Variants in MED24 observed in about 807,000 individuals in gnomAD.
The protein encoded by MED24 is mediator complex subunit 24.
MED24 carries 74 observed loss-of-function variants against 118.8 expected under a neutral mutation model. The observed-to-expected ratio is 0.62, with a 90% CI of 0.52 to 0.76. MED24 has a LOEUF of 0.76. Among genes scored for constraint, MED24 ranks in the 30% least tolerant of loss-of-function variants. The pLI, the probability that MED24 is intolerant of heterozygous loss-of-function variation, is 0.00. For missense variants in MED24, 1,041 were observed against 1,278.9 expected, an observed-to-expected ratio of 0.81 and a Z score of 2.84; for synonymous variants, 521 against 523.9, an observed-to-expected ratio of 0.99 and a Z score of 0.08.
rs1375407614 is a variant in MED24 at position 40,053,879 on chromosome 17, C to T, written c.-37-244G>A. ...AGCGCAGTGGCTCGCACCTGTAATC[C>T]CAGCACTTCGGGAGGCAGAGGCGGG... On this transcript the variant is annotated intron_variant, in intron 1 of 25. Coordinates refer to ENST00000394128, the MANE Select transcript of MED24 (RefSeq NM_014815.4). 4 of 600,334 alleles carry T rather than the reference C, an allele frequency of 6.7e-6. 1 individual carries two copies. In the South Asian group the frequency reaches 8.3e-5, roughly 12 times the overall value. The allele number at this position is 600,334 out of a possible 1,614,324, so 37.2% of individuals were successfully genotyped here.
chr17:40,036,673 C>A, intron 3 of MED24, among the ~76,000 whole-genome samples: 1 of 120,568 alleles, frequency 8.3e-6, no homozygotes, highest in East Asian at 2.6e-4. Flanking sequence ...GGGAGCAGAG[C>A]GAGACTCTGT....
chr17:40,031,031 C>A, intron 12 of MED24, 128 bp downstream of exon 12: 1 of 845,860 alleles, frequency 1.2e-6, no homozygotes, highest in Non-Finnish European at 2.0e-6. Context: ...TCCCTGTACC[C>A]CCAGGCACGG....
At chr17:40,032,567 C>T in intron 9 of MED24, 82 bp downstream of exon 9, 1 of 1,115,578 alleles carries the variant, frequency 9.0e-7, no homozygotes, top group Admixed American at 2.2e-5. Flanking sequence ...CAGGGAGGAA[C>T]ACAGGGCAAA....
At chr17:40,029,936 C>A in intron 12 of MED24, 77 bp from the exon 13 acceptor site, 3 of 1,370,912 alleles carry the variant, frequency 2.2e-6, no homozygotes, top group South Asian at 1.2e-5. Context: ...CGTTCAAGCC[C>A]GGAAGGAAAT....
At chr17:40,025,827 A>C (rs1982577228) in intron 19 of MED24, among the ~76,000 whole-genome samples, 1 of 152,128 alleles carries the variant, frequency 6.6e-6, no homozygotes. Flanking sequence ...TGGCCTGTAA[A>C]ATCTACAGAC....
rs1241423249 is a variant in MED24, at chr17:40,020,348, G to A, written c.2629C>T (p.Arg877Ter). ...DANILSSPTD[R>*]SMSSSLSASQ... ...GCTGAGAGGGAGCTGCTCATGGATC[G>A]GTCTGCTGTGGGACGGAGCAGATGG... Residue 877 changes from arginine (R) to a stop codon, truncating the protein, a stop_gained, in exon 24 of 26, where the codon CGA becomes TGA. Transcript: ENST00000394128. LOFTEE classifies it high-confidence loss of function. 2.5e-6 allele frequency: 4 copies of A among 1,596,580 alleles called. No individual in the cohort carries two copies. Among genetic ancestry groups the A allele is most frequent in the Middle Eastern group, 1.7e-4 (1 of 6,040 alleles).
At chr17:40,031,085 G>GC in intron 12 of MED24, 74 bp downstream of exon 12, 1 of 1,421,530 alleles carries the variant, frequency 7.0e-7, no homozygotes, top group Non-Finnish European at 9.7e-7. Context: ...AGGTTGAAAG[G>GC]CACGCAGCAG....
chr17:40,045,481 T>C (rs113543233), intron 3 of MED24, among the ~76,000 whole-genome samples: 3 of 140,786 alleles, frequency 2.1e-5, no homozygotes, highest in Non-Finnish European at 4.6e-5. Flanking sequence ...AAAGTACATA[T>C]GGAATATTAT....
In MED24 at chr17:40,038,709, CAAAA is replaced by C. The variant is rs547061911; in HGVS notation, c.214-2559_214-2556del. 1.6e-3 allele frequency among the ~76,000 whole-genome samples: 136 copies of C among 84,324 alleles called. 1 individual carries two copies. The highest frequency in any genetic ancestry group is 1.8e-3 in the Non-Finnish European group (74 of 40,848). The allele number at this position is 84,324 out of a possible 152,430, so 55.3% of individuals were successfully genotyped here. On this transcript the variant is annotated intron_variant, in intron 3 of 25. Coordinates refer to ENST00000394128, the MANE Select transcript of MED24 (RefSeq NM_014815.4). ...CTGATGACAGAGCAAGACTCCATCT[CAAAA>C]AAAAAAAAAAAAAGGAGAGGAAGAA...
intron 9 of MED24, 24 bp downstream of exon 9, chr17:40,032,625 C>G: frequency 6.3e-7 from 1 of 1,578,672 alleles, no homozygotes. Context: ...TAGACTGGCT[C>G]TGCCCCTCCC....
chr17:40,019,777 G>A lies in MED24; in HGVS notation c.2853+8C>T, dbSNP rs997586146. On this transcript the variant is annotated splice_region_variant and intron_variant, in intron 25 of 25. Coordinates refer to ENST00000394128, the MANE Select transcript of MED24 (RefSeq NM_014815.4). ...CACCAGCAGGAGAGCCGGGAAGGTG[G>A]TACTCACGGTGGTGAAGGGCATGAA... is the stretch of plus-strand genomic sequence containing the variant. 3 of 1,611,814 alleles carry A rather than the reference G, an allele frequency of 1.9e-6. No homozygotes were observed. Among genetic ancestry groups the A allele is most frequent in the African/African-American group, 1.3e-5 (1 of 74,916 alleles).
At position 40,044,392 on chromosome 17, in the gene MED24, T is replaced by C. The variant is rs1318912259; in HGVS notation, c.214-8238A>G. ...AAAATTAGCTGGGCATGGTGGCGCA[T>C]GCCTGTAATCCCAGCTACTCGGGAG... On this transcript the variant is annotated intron_variant, in intron 3 of 25. Coordinates refer to ENST00000394128, the MANE Select transcript of MED24 (RefSeq NM_014815.4). Among the ~76,000 whole-genome samples the C allele has an allele frequency of 6.0e-5, 9 of 150,772 alleles. 1 individual carries two copies. The South Asian group carries it at 1.5e-3, about 25-fold the overall frequency.
intron 3 of MED24, among the ~76,000 whole-genome samples, chr17:40,038,784 T>C (rs1984237630): frequency 6.6e-6 from 1 of 151,754 alleles, no homozygotes. Context: ...TCCATCCATG[T>C]GCAATTTCCC....
chr17:40,052,654 T>C (rs575938944), intron 3 of MED24, among the ~76,000 whole-genome samples: 1 of 152,018 alleles, frequency 6.6e-6, no homozygotes, highest in Non-Finnish European at 1.5e-5. Context: ...CAGGCTGGAG[T>C]GCAGTGGCAC....
intron 3 of MED24, among the ~76,000 whole-genome samples, chr17:40,044,897 T>G (rs972770713): frequency 6.9e-6 from 1 of 144,720 alleles, no homozygotes; most frequent in African/African-American, 2.7e-5. Context: ...AAAAAAAAAT[T>G]ATATCCAGCG....
intron 12 of MED24, 67 bp from the exon 13 acceptor site, chr17:40,029,926 C>A: frequency 2.1e-6 from 3 of 1,422,964 alleles, no homozygotes; most frequent in South Asian, 2.3e-5. Context: ...CACGTTCCCT[C>A]GTTCAAGCCC....
At chr17:40,032,798 G>A (rs1303394086) in intron 8 of MED24, 36 bp from the exon 9 acceptor site, 2 of 1,567,334 alleles carry the variant, frequency 1.3e-6, no homozygotes, top group Non-Finnish European at 1.8e-6. Context: ...CTAAGAGGGT[G>A]CCCATACCCC....
chr17:40,052,639 T>C (rs559292389), intron 3 of MED24, among the ~76,000 whole-genome samples: 3 of 152,302 alleles, frequency 2.0e-5, no homozygotes, highest in African/African-American at 7.2e-5. Flanking sequence ...TGTTGTTCTG[T>C]TGCCCAGGCT....
intron 21 of MED24, 73 bp downstream of exon 21, chr17:40,022,572 C>T: frequency 6.2e-7 from 1 of 1,602,018 alleles, no homozygotes; most frequent in Non-Finnish European, 8.5e-7. Flanking sequence ...GCCCAGTCTC[C>T]CAGGGTGGCA....
Sources: allele counts gnomAD v4.1 joint callset (sites outside exome capture counted in the v4.1 genomes callset), GRCh38; gene constraint gnomAD v4.1.1; transcripts MANE v1.5; gene names NCBI Gene and HGNC (gene_info 2026-07-23, HGNC 2026-07-21).